SLC34A3: variants seen among roughly 807,000 people sequenced by gnomAD.
The protein encoded by SLC34A3 is sodium-dependent phosphate transport protein 2C.
In SLC34A3, 60 loss-of-function variants were observed where a neutral mutation model predicts 43.9. That is an observed-to-expected ratio of 1.37 (90% CI 1.11 to 1.70). The LOEUF (loss-of-function observed/expected upper bound fraction) is 1.70, where lower values mean the gene tolerates loss of function less well. Among genes scored for constraint, SLC34A3 ranks in the 40% most tolerant of loss-of-function variants. SLC34A3 has a pLI of 0.00. For missense variants in SLC34A3, 969 were observed against 823.8 expected (o/e 1.18, Z -2.16); for synonymous variants, 451 against 386.2 (o/e 1.17, Z -1.97).
At position 137,236,287 on chromosome 9, in the gene SLC34A3, T is replaced by G; in HGVS notation, c.1671T>G (p.His557Gln). The G allele has an allele frequency of 6.5e-7, 1 of 1,542,218 alleles. No individual in the cohort carries two copies. Among genetic ancestry groups the G allele is most frequent in the African/African-American group, 1.4e-5 (1 of 72,658 alleles). Residue 557 changes from histidine to glutamine, a missense_variant, in exon 13 of 13, where the codon CAT (histidine) becomes CAG (glutamine). By Grantham distance (24) the His-to-Gln change is conservative. Coordinates refer to ENST00000673835, the MANE Select transcript of SLC34A3 (RefSeq NM_001177316.2). Reference sequence around the variant, plus strand: ...GGGCCTGGCTCCCCGTCTGGCTCCATTCTCTGGAGCCCTGGGACCGCCTGG... The same window carrying G: ...GGGCCTGGCTCCCCGTCTGGCTCCAGTCTCTGGAGCCCTGGGACCGCCTGG... The part of the protein sequence containing the change: ...RSWAWLPVWL[H>Q]SLEPWDRLVT...
In SLC34A3 at chr9:137,233,013, T is replaced by C. The variant is rs139302994; in HGVS notation, c.458T>C (p.Val153Ala). 55 of 1,611,576 alleles carry C rather than the reference T, an allele frequency of 3.4e-5. No individual in the cohort carries two copies. Among genetic ancestry groups the C allele is most frequent in the Non-Finnish European group, 5.1e-6 (6 of 1,179,744 alleles). ...VSMVAAKLLT[V>A]RVSVPIIMGV... is the part of the protein sequence containing the mutation. ...GCCCCCCCACCAGCAGTGCTGACTG[T>C]CCGGGTGTCTGTGCCCATCATCATG... Residue 153 changes from valine to alanine, a missense_variant, in exon 6 of 13, where the codon GTC (valine) becomes GCC (alanine). Val to Ala is a moderately conservative substitution (Grantham distance 64). Coordinates refer to ENST00000673835, the MANE Select transcript of SLC34A3 (RefSeq NM_001177316.2).
intron 12 of SLC34A3, 47 bp from the exon 13 acceptor site, chr9:137,235,905 A>C (rs1018815784): frequency 6.3e-6 from 10 of 1,580,236 alleles, no homozygotes; most frequent in Non-Finnish European, 8.7e-6. Flanking sequence ...GCCCCTGGTG[A>C]CCCCACCTCG....
At position 137,234,346 on chromosome 9, in the gene SLC34A3, C is replaced by G. The variant is rs1836458042; in HGVS notation, c.1093+70C>G. 2 of 1,600,274 alleles carry G rather than the reference C, an allele frequency of 1.2e-6. No individual in the cohort carries two copies. The highest frequency in any genetic ancestry group is 1.7e-6 in the Non-Finnish European group (2 of 1,178,240). ...TCCCCCATAGACTTCCCCTTCCCAC[C>G]AGGCTGACTCGGGGGCTACCTGGCC... On this transcript the variant is annotated intron_variant, in intron 10 of 12. Coordinates refer to ENST00000673835, the MANE Select transcript of SLC34A3 (RefSeq NM_001177316.2). This position sits in a 1 kb window ranked among gnomAD's most constrained non-coding sequence, Gnocchi z 6.9.
chr9:137,236,068 C>T lies in SLC34A3; in HGVS notation c.1452C>T (p.Tyr484=), dbSNP rs775709613. The T allele has an allele frequency of 1.2e-6, 2 of 1,612,448 alleles. No homozygotes were observed. The highest frequency in any genetic ancestry group is 1.7e-6 in the Non-Finnish European group (2 of 1,179,874). The change falls in exon 13 of 13, where the codon TAC becomes TAT. Residue 484 remains tyrosine (Y), a synonymous_variant. Coordinates refer to ENST00000673835, the MANE Select transcript of SLC34A3 (RefSeq NM_001177316.2). ...ARHFGVVTAR[Y]RWVAGVYLLL... ...ACTTCGGGGTGGTGACCGCCCGTTA[C>T]CGCTGGGTGGCTGGGGTCTACCTGC... is the stretch of plus-strand genomic sequence containing the variant.
Position 137,232,922 on chromosome 9 carries a change from C to G in SLC34A3, c.443C>G (p.Ala148Gly). The G allele has an allele frequency of 6.2e-7, 1 of 1,605,908 alleles. No homozygotes were observed. Among genetic ancestry groups the G allele is most frequent in the Non-Finnish European group, 8.5e-7 (1 of 1,176,518 alleles). ...TCCATCGTGGTCAGCATGGTGGCTGCTAAGCGTGGGTGCACACTCCCTCCC... is the reference window on the plus strand; with the variant it reads ...TCCATCGTGGTCAGCATGGTGGCTGGTAAGCGTGGGTGCACACTCCCTCCC... ...SSSIVVSMVA[A>G]KLLTVRVSVP... The change falls in exon 5 of 13, where the codon GCT (alanine) becomes GGT (glycine). Residue 148 changes from alanine to glycine, a missense_variant. Ala to Gly is a moderately conservative substitution (Grantham distance 60, BLOSUM62 0). Transcript: ENST00000673835.
At chr9:137,231,588 G>A in intron 1 of SLC34A3, 76 bp from the exon 2 acceptor site, 1 of 926,328 alleles carries the variant, frequency 1.1e-6, no homozygotes, top group Admixed American at 1.7e-5. Flanking sequence ...AGGGGACCCA[G>A]GGGTGTGAAT....
At position 137,234,053 on chromosome 9, in the gene SLC34A3, G is replaced by GGGGGC; in HGVS notation, c.926-56_926-55insGGGGC. The GGGGGC allele has an allele frequency of 7.7e-7, 1 of 1,302,258 alleles. No individual in the cohort carries two copies. Among genetic ancestry groups the GGGGGC allele is most frequent in the Non-Finnish European group, 1.1e-6 (1 of 939,808 alleles). The allele number at this position is 1,302,258 out of a possible 1,614,324, so 80.7% of individuals were successfully genotyped here. On this transcript the variant is annotated intron_variant, in intron 9 of 12. Transcript: ENST00000673835. The surrounding 1 kb of genome is among the most constrained non-coding windows in gnomAD (Gnocchi z 6.9). The stretch of plus-strand genomic sequence containing the variant: ...CGGACAGGCTGCCCTGTGAGGCCCG[G>GGGGGC]CCCACCCCGGCCCACCCCCCAGGCT...
At chr9:137,230,680 A>AT, upstream of SLC34A3, 1 of 152,116 alleles carries the variant, frequency 6.6e-6, no homozygotes, top group Non-Finnish European at 1.5e-5. Flanking sequence ...GGCCTGATTC[A>AT]GAGCCCACCC....
In SLC34A3 at chr9:137,236,075, G is replaced by C. The variant is rs761266701; in HGVS notation, c.1459G>C (p.Val487Leu). The change falls in exon 13 of 13, where the codon GTG becomes CTG. Residue 487 changes from valine to leucine, a missense_variant. Transcript: ENST00000673835. ...FGVVTARYRWVAGVYLLLGFL... is the reference protein window; with the variant it reads ...FGVVTARYRWLAGVYLLLGFL... The stretch of plus-strand genomic sequence containing the variant: ...GGTGGTGACCGCCCGTTACCGCTGG[G>C]TGGCTGGGGTCTACCTGCTGCTCGG... The C allele has an allele frequency of 1.2e-6, 2 of 1,612,480 alleles. No homozygotes were observed. The highest frequency in any genetic ancestry group is 1.7e-4 in the Middle Eastern group (1 of 6,060).
chr9:137,233,447 C>T (rs774791217), intron 7 of SLC34A3, 43 bp downstream of exon 7: 24 of 1,589,958 alleles, frequency 1.5e-5, no homozygotes, highest in African/African-American at 9.4e-5. Context: ...CTGAGCAGGC[C>T]GGATGGGAGG....
In SLC34A3 at chr9:137,236,380, C is replaced by T. The variant is rs749255818; in HGVS notation, c.1764C>T (p.Tyr588=). Residue 588 remains tyrosine, a synonymous_variant, in exon 13 of 13, where the codon TAC becomes TAT. Transcript: ENST00000673835. The part of the protein sequence containing the change: ...PKATTKEAYC[Y]ENPEILASQQ... ...CCACCACCAAAGAGGCCTACTGCTA[C>T]GAGAACCCTGAGATCTTGGCCTCCC... 8.4e-6 allele frequency: 13 copies of T among 1,538,770 alleles called. No homozygotes were observed. The highest frequency in any genetic ancestry group is 5.9e-5 in the South Asian group (5 of 84,072).
Position 137,234,642 on chromosome 9 carries a change from CT to C in SLC34A3, c.1247del (p.Leu416ProfsTer65), listed in dbSNP as rs781602446. On this transcript the variant is annotated frameshift_variant, in exon 12 of 13. Transcript: ENST00000673835. LOFTEE classifies it high-confidence loss of function. The surrounding 1 kb of genome is among the most constrained non-coding windows in gnomAD (Gnocchi z 6.9). ...GATCAGTCTGGACCGGGCGTACCCC[CT>C]CTTACTGGGCTCCAACATCGGCACC... Reference protein sequence around the residue: ...GVISLDRAYPLLLGSNIGTTT... With the variant: ...GVISLDRAYPXLLGSNIGTTT... 22 of 1,612,172 alleles carry C rather than the reference CT, an allele frequency of 1.4e-5. No homozygotes were observed. In the South Asian group the frequency reaches 2.3e-4, roughly 17 times the overall value.
chr9:137,234,092 C>T lies in SLC34A3; in HGVS notation c.926-17C>T, dbSNP rs1282941082. 1.3e-6 allele frequency: 2 copies of T among 1,545,028 alleles called. No individual in the cohort carries two copies. The highest frequency in any genetic ancestry group is 2.4e-5 in the South Asian group (2 of 84,896). The stretch of plus-strand genomic sequence containing the variant: ...ACCCCCCAGGCTCCCCCTCACCTGC[C>T]CCTGCCCTGCCCCCAGGCCGCCACC... On this transcript the variant is annotated splice_polypyrimidine_tract_variant and intron_variant, in intron 9 of 12. Coordinates refer to ENST00000673835, the MANE Select transcript of SLC34A3 (RefSeq NM_001177316.2). The surrounding 1 kb of genome is among the most constrained non-coding windows in gnomAD (Gnocchi z 6.9).
chr9:137,234,314 C>T lies in SLC34A3; in HGVS notation c.1093+38C>T. The T allele has an allele frequency of 1.9e-6, 3 of 1,605,506 alleles. No individual in the cohort carries two copies. Among genetic ancestry groups the T allele is most frequent in the East Asian group, 2.2e-5 (1 of 44,804 alleles). ...GAGGAGGTGCGGTGGCCAGGGCTGA[C>T]CCAGCATCCCCCATAGACTTCCCCT... On this transcript the variant is annotated intron_variant, in intron 10 of 12. Transcript: ENST00000673835. The surrounding 1 kb of genome is among the most constrained non-coding windows in gnomAD (Gnocchi z 6.9).
At chr9:137,233,814 C>T in intron 8 of SLC34A3, 49 bp from the exon 9 acceptor site, 2 of 1,429,082 alleles carry the variant, frequency 1.4e-6, no homozygotes, top group Non-Finnish European at 1.9e-6. Flanking sequence ...AGCCCTCTGA[C>T]CTCTGTCTGC....
intron 5 of SLC34A3, 38 bp downstream of exon 5, chr9:137,232,965 A>ACACCCCCTCCCGGGGGGGGGGGGGGGGCT: frequency 1.1e-6 from 1 of 898,374 alleles, no homozygotes; most frequent in Non-Finnish European, 1.7e-6. Flanking sequence ...TGGGGGGGGC[A>ACACCCCCTCCCGGGGGGGGGGGGGGGGCT]GGGTGGGCCG....
rs1416631442 is a variant in SLC34A3 at position 137,236,520 on chromosome 9, C to T, written c.*104C>T. On this transcript the variant is annotated 3_prime_UTR_variant, in exon 13 of 13. Coordinates refer to ENST00000673835, the MANE Select transcript of SLC34A3 (RefSeq NM_001177316.2). ...GCAGCTGACCTCCGGTCACCTGCTT[C>T]CCCTTCTGTGCAAATAAACCAGGCT... 1 of 961,968 alleles carries T rather than the reference C, an allele frequency of 1.0e-6. No homozygotes were observed. The highest frequency in any genetic ancestry group is 1.6e-6 in the Non-Finnish European group (1 of 625,854). 59.6% of individuals were successfully genotyped at this position (961,968 alleles called of 1,614,324 possible).
chr9:137,232,389 G>A (rs1836271263), intron 3 of SLC34A3, among the ~76,000 whole-genome samples, 186 bp from the exon 4 acceptor site: 1 of 152,260 alleles, frequency 6.6e-6, no homozygotes, highest in Non-Finnish European at 1.5e-5. Flanking sequence ...TGCGAGGGAG[G>A]GTCCCAAGGG....
chr9:137,233,779 T>TTGGGCCCCCCCCCCCCCCCCCCCCCA, intron 8 of SLC34A3, 57 bp downstream of exon 8: 1 of 1,445,808 alleles, frequency 6.9e-7, no homozygotes, highest in Non-Finnish European at 9.6e-7. Flanking sequence ...TGCTGAGTCA[T>TTGGGCCCCCCCCCCCCCCCCCCCCCA]CCCGCCCCAC....
Sources: gnomAD v4.1 joint callset for allele counts (sites outside exome capture counted in the v4.1 genomes callset) on GRCh38, gnomAD v4.1.1 for gene constraint, Gnocchi (gnomAD v3.1) non-coding constraint, MANE v1.5 for transcripts, NCBI Gene and HGNC (gene_info 2026-07-23, HGNC 2026-07-21) for gene names.